Variants in CASK observed in about 807,000 individuals in gnomAD.
CASK encodes the protein calcium/calmodulin dependent serine protein kinase.
CASK carries 4 observed loss-of-function variants against 82.9 expected under a neutral mutation model. The observed-to-expected ratio is 0.05, with a 90% confidence interval of 0.02 to 0.11. CASK has a LOEUF of 0.11. CASK is among the 10% of genes least tolerant of loss of function. The pLI is 1.00. For synonymous variants in CASK, 259 were observed against 253.5 expected, an observed-to-expected ratio of 1.02 and a Z score of -0.20; for missense variants, 358 against 720.9, an observed-to-expected ratio of 0.50 and a Z score of 5.76.
At chrX:41,835,029 C>T (rs983952064) in intron 2 of CASK, among the ~76,000 whole-genome samples, 1 of 111,995 alleles carries the variant, frequency 8.9e-6, no homozygotes, top group Non-Finnish European at 1.9e-5. Context: ...CCACCAAATT[C>T]CTGTCTTTAT....
chrX:41,717,872 A>C (rs1373374803), intron 5 of CASK, among the ~76,000 whole-genome samples: 1 of 112,386 alleles, frequency 8.9e-6, no homozygotes, highest in Non-Finnish European at 1.9e-5. Flanking sequence ...TCTGGCATAC[A>C]ACCCCTAAAA....
chrX:41,643,186 T>C (rs753456280), intron 8 of CASK, among the ~76,000 whole-genome samples: 2 of 111,913 alleles, frequency 1.8e-5, no homozygotes, highest in South Asian at 3.7e-4. Context: ...TGTAGTATAG[T>C]TTGAAGTCAG....
chrX:41,790,482 G>A (rs1174634594), intron 2 of CASK, among the ~76,000 whole-genome samples: 2 of 111,736 alleles, frequency 1.8e-5, no homozygotes, highest in African/African-American at 6.5e-5. Context: ...CTCCATTTGA[G>A]CCTCACATTT....
At chrX:41,630,358 G>C in intron 9 of CASK, among the ~76,000 whole-genome samples, 1 of 111,747 alleles carries the variant, frequency 8.9e-6, no homozygotes, top group Non-Finnish European at 1.9e-5. Context: ...GCTGAACAAA[G>C]ATGTATTGCT....
chrX:41,636,520 TA>T (rs1381450344), intron 9 of CASK, 57 bp downstream of exon 9: 2 of 744,472 alleles, frequency 2.7e-6, no homozygotes, highest in African/African-American at 4.1e-5. Flanking sequence ...CAAAATAGAA[TA>T]AAAACATGAT....
chrX:41,920,937 A>G (rs1358244087), intron 1 of CASK, among the ~76,000 whole-genome samples: 4 of 111,740 alleles, frequency 3.6e-5, no homozygotes, highest in African/African-American at 9.8e-5. Flanking sequence ...TCACCCACAC[A>G]TACAGTCATT....
At chrX:41,574,678 A>G (rs2065462112) in intron 15 of CASK, among the ~76,000 whole-genome samples, 1 of 111,984 alleles carries the variant, frequency 8.9e-6, no homozygotes, top group Non-Finnish European at 1.9e-5. Flanking sequence ...CACTCTTTAG[A>G]TTTAAGCTCA....
chrX:41,534,913 C>A lies in CASK; in HGVS notation c.2216G>T (p.Arg739Met), dbSNP rs767270783. ...EEVVKLPAFKRKTLVLLGAHG... is the reference protein window; with the variant it reads ...EEVVKLPAFKMKTLVLLGAHG... ...CTTACCTAATAAGACTAGTGTTTTC[C>A]TCTTGAATGCTGGCAGTTTTACTAC... The change falls in exon 23 of 27, where the codon AGG (arginine) becomes ATG (methionine). Residue 739 changes from arginine (R) to methionine (M), a missense_variant. Coordinates refer to ENST00000378163, the MANE Select transcript of CASK (RefSeq NM_001367721.1). The A allele has an allele frequency of 8.4e-7, 1 of 1,196,806 alleles. No homozygotes were observed. Among genetic ancestry groups the A allele is most frequent in the South Asian group, 1.8e-5 (1 of 56,421 alleles).
chrX:41,583,430 T>C (rs1330443195), intron 14 of CASK, among the ~76,000 whole-genome samples: 1 of 111,264 alleles, frequency 9.0e-6, no homozygotes, highest in African/African-American at 3.3e-5. Context: ...GACATGTCTG[T>C]CCAAATTCAT....
At chrX:41,535,953 C>A (rs890080761) in intron 22 of CASK, among the ~76,000 whole-genome samples, 2 of 111,401 alleles carry the variant, frequency 1.8e-5, no homozygotes, top group East Asian at 5.6e-4. Context: ...GTCTGTGTTT[C>A]CTGTAATATT....
chrX:41,598,530 T>C (rs2065854828), intron 12 of CASK, among the ~76,000 whole-genome samples: 1 of 110,591 alleles, frequency 9.0e-6, no homozygotes, highest in Non-Finnish European at 1.9e-5. Flanking sequence ...TTTTGTATTT[T>C]ATTTTATTTT....
At chrX:41,702,189 G>A (rs375558626) in intron 5 of CASK, among the ~76,000 whole-genome samples, 2 of 108,922 alleles carry the variant, frequency 1.8e-5, no homozygotes, top group South Asian at 4.0e-4. Context: ...AGTTCAAGAC[G>A]AGCCTGACCA....
At chrX:41,908,299 C>T (rs1004702864) in intron 1 of CASK, among the ~76,000 whole-genome samples, 1 of 112,116 alleles carries the variant, frequency 8.9e-6, no homozygotes, top group Non-Finnish European at 1.9e-5. Flanking sequence ...TTGCTTGAAC[C>T]TGAGAGGCAG....
intron 16 of CASK, chrX:41,562,537 C>G (rs2065243729): frequency 8.9e-6 from 1 of 112,144 alleles, no homozygotes; most frequent in African/African-American, 3.2e-5. Context: ...ACTACATTCT[C>G]TGACCACAAT....
chrX:41,650,278 A>C (rs917115195), intron 8 of CASK, among the ~76,000 whole-genome samples: 1 of 111,021 alleles, frequency 9.0e-6, no homozygotes, highest in African/African-American at 3.3e-5. Context: ...GTTATGTGTG[A>C]ATTTGATCCT....
intron 8 of CASK, among the ~76,000 whole-genome samples, chrX:41,644,609 G>T (rs1311057084): frequency 8.9e-6 from 1 of 112,273 alleles, no homozygotes; most frequent in Non-Finnish European, 1.9e-5. Context: ...CAAGGAATAC[G>T]AGAGATAACC....
chrX:41,709,659 T>A (rs1453406406), intron 5 of CASK, among the ~76,000 whole-genome samples: 2 of 111,510 alleles, frequency 1.8e-5, no homozygotes. Context: ...ATTTCTAAAA[T>A]TATATGAATA....
intron 22 of CASK, among the ~76,000 whole-genome samples, chrX:41,537,554 A>G (rs1273286741): frequency 9.0e-6 from 1 of 111,232 alleles, no homozygotes; most frequent in Admixed American, 9.6e-5. Context: ...TAAAAGTATA[A>G]TATGTATAAA....
intron 5 of CASK, among the ~76,000 whole-genome samples, chrX:41,678,318 A>G (rs887227801): frequency 2.7e-5 from 3 of 109,888 alleles, no homozygotes; most frequent in African/African-American, 9.9e-5. Flanking sequence ...TTTTTTTCCA[A>G]TGTTCATGCC....
Sources: allele counts gnomAD v4.1 joint callset (sites outside exome capture counted in the v4.1 genomes callset), GRCh38; gene constraint gnomAD v4.1.1; transcripts MANE v1.5; gene names NCBI Gene and HGNC (gene_info 2026-07-23, HGNC 2026-07-21).